EPB41: variants seen among roughly 807,000 people sequenced by gnomAD.
The protein encoded by EPB41 is erythrocyte membrane protein band 4.1, also known as protein 4.1.
In EPB41, 65 loss-of-function variants were observed where a neutral mutation model predicts 108.0. The observed-to-expected ratio is 0.60, with a 90% CI of 0.49 to 0.74. The LOEUF (loss-of-function observed/expected upper bound fraction) is 0.74. EPB41 is among the 30% of genes least tolerant of loss of function. The pLI, the probability that EPB41 is intolerant of heterozygous loss-of-function variation, is 0.00. For missense variants in EPB41, 875 were observed against 1,037.0 expected, an observed-to-expected ratio of 0.84 and a Z score of 2.15; for synonymous variants, 336 against 358.9, an observed-to-expected ratio of 0.94 and a Z score of 0.72.
chr1:29,108,888 G>GA lies in EPB41; in HGVS notation c.2314-431dup, dbSNP rs35276284. Among the ~76,000 whole-genome samples, 141 of 132,230 alleles carry GA rather than the reference G, an allele frequency of 1.1e-3. 1 individual carries two copies. In the Middle Eastern group the frequency reaches 0.016, roughly 15 times the overall value. The allele number at this position is 132,230 out of a possible 152,430, so 86.7% of individuals were successfully genotyped here. A position where few individuals can be genotyped will look rare whatever the true frequency, so the allele number is the denominator to read the frequency against. ...ATTTTATTTGTTAAGAGGTTACCCT[G>GA]AAAAAAAAAAAAAAAAAGAGGTTAC... On this transcript the variant is annotated intron_variant, in intron 17 of 20. Coordinates refer to ENST00000343067, the MANE Select transcript of EPB41 (RefSeq NM_001376013.1).
At chr1:29,011,518 G>A (rs999625370) in intron 4 of EPB41, among the ~76,000 whole-genome samples, 1 of 152,174 alleles carries the variant, frequency 6.6e-6, no homozygotes, top group African/African-American at 2.4e-5. Flanking sequence ...CTTAGCATTT[G>A]CTGTTTACTA....
At chr1:29,071,157 CAA>C (rs1651182169) in intron 16 of EPB41, 1 of 152,196 alleles carries the variant, frequency 6.6e-6, no homozygotes, top group Non-Finnish European at 1.5e-5. Context: ...CCAGTATAAA[CAA>C]AAGTCTTTTC....
chr1:29,035,871 C>T lies in EPB41; in HGVS notation c.1411C>T (p.Arg471Ter). 1 of 1,614,018 alleles carries T rather than the reference C, an allele frequency of 6.2e-7. No individual in the cohort carries two copies. Among genetic ancestry groups the T allele is most frequent in the Non-Finnish European group, 8.5e-7 (1 of 1,179,950 alleles). The change falls in exon 10 of 21, where the codon CGA becomes TGA. Residue 471 changes from arginine to a stop codon, truncating the protein, a stop_gained. Transcript: ENST00000343067. LOFTEE classifies it high-confidence loss of function. ...CATCGGATTCAAACTTCCCAGTTAC[C>T]GAGCAGCTAAGAAATTATGGAAAGT... ...STIGFKLPSYRAAKKLWKVCV... is the reference protein window; with the variant it reads ...STIGFKLPSY
Position 29,053,135 on chromosome 1 carries a change from T to G in EPB41, c.1668T>G (p.Pro556=). The stretch of plus-strand genomic sequence containing the variant: ...CTGTCGATTCGGCAGACCGAAGTCC[T>G]CGGCCCACTTCTGCACCTGCCATTA... ...AAAVDSADRS[P]RPTSAPAITQ... Residue 556 remains proline (P), a synonymous_variant, in exon 12 of 21, where the codon CCT becomes CCG. Transcript: ENST00000343067. 1 of 1,614,194 alleles carries G rather than the reference T, an allele frequency of 6.2e-7. No individual in the cohort carries two copies. Among genetic ancestry groups the G allele is most frequent in the Admixed American group, 1.7e-5 (1 of 60,022 alleles).
At chr1:29,032,439 C>T (rs1056984356) in intron 8 of EPB41, among the ~76,000 whole-genome samples, 3 of 152,100 alleles carry the variant, frequency 2.0e-5, no homozygotes, top group African/African-American at 7.2e-5. Flanking sequence ...GTATGTAATT[C>T]CTGCTTCTCT....
chr1:28,963,674 C>T (rs1391696606), intron 1 of EPB41, among the ~76,000 whole-genome samples: 1 of 152,102 alleles, frequency 6.6e-6, no homozygotes, highest in East Asian at 1.9e-4. Context: ...TCGTTCATGG[C>T]AACAAAAAGA....
chr1:29,046,883 G>A (rs934175544), intron 11 of EPB41, among the ~76,000 whole-genome samples: 12 of 152,034 alleles, frequency 7.9e-5, no homozygotes, highest in Admixed American at 4.6e-4. Flanking sequence ...CGAATTGGTC[G>A]TAATACTCTT....
intron 8 of EPB41, among the ~76,000 whole-genome samples, chr1:29,032,427 C>T (rs1156438350): frequency 6.6e-6 from 1 of 152,162 alleles, no homozygotes; most frequent in Non-Finnish European, 1.5e-5. Context: ...TGAATTGGAA[C>T]TGTATGTAAT....
intron 6 of EPB41, among the ~76,000 whole-genome samples, chr1:29,016,142 A>G (rs891360311): frequency 1.3e-4 from 19 of 151,932 alleles, no homozygotes; most frequent in African/African-American, 4.6e-4. Flanking sequence ...GTCTCTTTTC[A>G]TACTCCTTTC....
At position 28,987,920 on chromosome 1, in the gene EPB41, A is replaced by T. The variant is rs1271291601; in HGVS notation, c.468+15A>T. ...CAGAAACACAGGTAAGGATGTGTGG[A>T]TATGGGAGGTGGGCAAAGGAAGGCA... On this transcript the variant is annotated intron_variant, in intron 2 of 20. Transcript: ENST00000343067. The T allele has an allele frequency of 1.1e-5, 17 of 1,610,958 alleles. No homozygotes were observed. Among genetic ancestry groups the T allele is most frequent in the Non-Finnish European group, 1.4e-5 (17 of 1,177,210 alleles).
chr1:28,998,125 A>G (rs2096224353), intron 4 of EPB41, among the ~76,000 whole-genome samples: 1 of 152,184 alleles, frequency 6.6e-6, no homozygotes, highest in African/African-American at 2.4e-5. Flanking sequence ...TGGTTTGATG[A>G]GCGCTATACA....
At chr1:29,069,858 G>C (rs578006931) in intron 16 of EPB41, 17 of 152,356 alleles carry the variant, frequency 1.1e-4, no homozygotes, top group African/African-American at 4.1e-4. Flanking sequence ...ATTTTTAGTA[G>C]AGACGGGGTT....
At chr1:29,044,334 A>G (rs1251631795) in intron 11 of EPB41, among the ~76,000 whole-genome samples, 1 of 152,250 alleles carries the variant, frequency 6.6e-6, no homozygotes, top group Non-Finnish European at 1.5e-5. Context: ...TCATGGTTAT[A>G]TAGATACTAT....
At chr1:28,943,580 C>T (rs2094381723) in intron 1 of EPB41, among the ~76,000 whole-genome samples, 1 of 151,856 alleles carries the variant, frequency 6.6e-6, no homozygotes, top group African/African-American at 2.4e-5. Context: ...ACCTGGGAGG[C>T]GGAGGCTGCA....
chr1:29,004,999 T>G (rs2096374097), intron 4 of EPB41, among the ~76,000 whole-genome samples: 1 of 152,190 alleles, frequency 6.6e-6, no homozygotes, highest in African/African-American at 2.4e-5. Context: ...TGGAGTTCTT[T>G]TTTTTAAAAC....
intron 1 of EPB41, among the ~76,000 whole-genome samples, chr1:28,952,711 T>C (rs899544673): frequency 3.9e-5 from 6 of 152,234 alleles, no homozygotes; most frequent in Admixed American, 2.6e-4. Flanking sequence ...CAATTATGTG[T>C]ATAATATATA....
chr1:28,999,745 A>G (rs1466417111), intron 4 of EPB41, among the ~76,000 whole-genome samples: 1 of 151,968 alleles, frequency 6.6e-6, no homozygotes, highest in Non-Finnish European at 1.5e-5. Context: ...GTTGGGATTT[A>G]TATTCTGTCC....
At chr1:28,962,338 A>G (rs559621838) in intron 1 of EPB41, among the ~76,000 whole-genome samples, 1 of 152,228 alleles carries the variant, frequency 6.6e-6, no homozygotes, top group African/African-American at 2.4e-5. Flanking sequence ...TGGGATTATT[A>G]CAGACGTGAG....
intron 14 of EPB41, among the ~76,000 whole-genome samples, chr1:29,059,595 G>A (rs1273497489): frequency 2.0e-5 from 3 of 151,858 alleles, no homozygotes. Flanking sequence ...GGGCAACATA[G>A]GGAGACCCCA....
Sources: gnomAD v4.1 joint callset for allele counts (sites outside exome capture counted in the v4.1 genomes callset) on GRCh38, gnomAD v4.1.1 for gene constraint, MANE v1.5 for transcripts, NCBI Gene and HGNC (gene_info 2026-07-23, HGNC 2026-07-21) for gene names.